The following FMNL2 variants were observed in gnomAD, a reference collection of about 807,000 sequenced individuals.
FMNL2 encodes formin like 2.
A neutral mutation model predicts 130.2 loss-of-function variants in FMNL2; 51 were observed. The ratio of observed to expected loss-of-function variants is 0.39; its 90% confidence interval spans 0.31 to 0.49. The LOEUF (loss-of-function observed/expected upper bound fraction) is 0.49, where lower values mean the gene tolerates loss of function less well. Among genes scored for constraint, FMNL2 ranks in the 20% least tolerant of loss-of-function variants. FMNL2 has a pLI of 0.85. For missense variants in FMNL2, 977 were observed against 1,316.2 expected (o/e 0.74, Z 3.99); for synonymous variants, 465 against 467.1 (o/e 1.00, Z 0.06).
At position 152,618,997 on chromosome 2, in the gene FMNL2, G is replaced by A; in HGVS notation, c.1466G>A (p.Gly489Glu). 1.2e-6 allele frequency: 2 copies of A among 1,614,018 alleles called. No homozygotes were observed. The highest frequency in any genetic ancestry group is 8.5e-7 in the Non-Finnish European group (1 of 1,179,898). ...ATTAAAATTCAGAAGAAAGGGGATG[G>A]GGATATCGCCATACTGCCAGTTGTG... ...GTIKIQKKGD[G>E]DIAILPVVAS... The change falls in exon 14 of 26, where the codon GGG (glycine) becomes GAG (glutamate). Residue 489 changes from glycine to glutamate, a missense_variant. Physicochemically the swap from Gly to Glu is moderately conservative, Grantham distance 98. This residue lies in a region of FMNL2 where 689 missense variants were observed against 995.9 expected (regional missense o/e 0.69). Transcript: ENST00000288670.
chr2:152,536,366 T>C lies in FMNL2; in HGVS notation c.202-6373T>C, dbSNP rs147114407. On this transcript the variant is annotated intron_variant, in intron 2 of 25. Coordinates refer to ENST00000288670, the MANE Select transcript of FMNL2 (RefSeq NM_052905.4). ...GAAGAGTACTTAGCACTAAGCTAAA[T>C]CTTACAAATTAGTACTTACTAATAG... Among the ~76,000 whole-genome samples, 36 of 152,364 alleles carry C rather than the reference T, an allele frequency of 2.4e-4. No individual in the cohort carries two copies. In the East Asian group the frequency reaches 6.4e-3, roughly 27 times the overall value.
intron 1 of FMNL2, among the ~76,000 whole-genome samples, chr2:152,439,115 G>GT (rs1558864449): frequency 1.4e-5 from 2 of 144,546 alleles, no homozygotes; most frequent in African/African-American, 5.0e-5. Flanking sequence ...GTGTGTGTGT[G>GT]GCAATAGCTA....
chr2:152,506,709 A>C (rs1470803728), intron 1 of FMNL2, among the ~76,000 whole-genome samples: 1 of 152,088 alleles, frequency 6.6e-6, no homozygotes, highest in Non-Finnish European at 1.5e-5. Context: ...GTGTCTCAAA[A>C]ATTTTCATGG....
At chr2:152,588,009 C>T (rs924636303) in intron 9 of FMNL2, among the ~76,000 whole-genome samples, 2 of 152,112 alleles carry the variant, frequency 1.3e-5, no homozygotes, top group East Asian at 1.9e-4. Context: ...CAAGGAGGCT[C>T]CTTATAGGAG....
rs149461810 is a variant in FMNL2 at position 152,530,977 on chromosome 2, G to A, written c.201+8951G>A. 1.1e-3 allele frequency among the ~76,000 whole-genome samples: 168 copies of A among 152,314 alleles called. 1 individual carries two copies. Among genetic ancestry groups the A allele is most frequent in the African/African-American group, 3.8e-3 (156 of 41,564 alleles). On this transcript the variant is annotated intron_variant, in intron 2 of 25. Transcript: ENST00000288670. Reference sequence around the variant, plus strand: ...GTAAGAAACAGCTATACATAGGGCAGAGACTGTGTATATCCTCCGTCAACA... The same window carrying A: ...GTAAGAAACAGCTATACATAGGGCAAAGACTGTGTATATCCTCCGTCAACA...
chr2:152,553,737 G>A (rs892139317), intron 4 of FMNL2, among the ~76,000 whole-genome samples: 1 of 151,068 alleles, frequency 6.6e-6, no homozygotes, highest in African/African-American at 2.4e-5. Flanking sequence ...TAAATGTTAT[G>A]TATTAACATA....
intron 2 of FMNL2, among the ~76,000 whole-genome samples, chr2:152,533,781 G>T (rs1257859965): frequency 1.3e-5 from 2 of 151,912 alleles, no homozygotes; most frequent in African/African-American, 4.8e-5. Context: ...TTAATATCTT[G>T]CAGGAATTTT....
chr2:152,521,473 G>A (rs1333994684), intron 1 of FMNL2, among the ~76,000 whole-genome samples: 7 of 151,582 alleles, frequency 4.6e-5, no homozygotes, highest in East Asian at 3.9e-4. Context: ...TAGTTGCATT[G>A]TTGTCTTTTT....
At chr2:152,459,199 G>A (rs1168932211) in intron 1 of FMNL2, among the ~76,000 whole-genome samples, 48 of 152,250 alleles carry the variant, frequency 3.2e-4, no homozygotes, top group Non-Finnish European at 1.5e-5. Flanking sequence ...GAGAACATAT[G>A]GAGAGAACTC....
Position 152,640,794 on chromosome 2 carries a change from CCTT to C in FMNL2, c.3052_3054del (p.Ser1018del), listed in dbSNP as rs758439709. The C allele has an allele frequency of 2.7e-5, 44 of 1,612,924 alleles. No individual in the cohort carries two copies. In the East Asian group the frequency reaches 5.6e-4, roughly 20 times the overall value. On this transcript the variant is annotated inframe_deletion, in exon 25 of 26. Transcript: ENST00000288670. ...CTCTGCCCTTCTTTCTTCTCAGTCTCCTTCTCATAAATCAAAGAGGCAGCAGCA... is the reference window on the plus strand; with the variant it reads ...CTCTGCCCTTCTTTCTTCTCAGTCTCCTCATAAATCAAAGAGGCAGCAGCA...
chr2:152,473,206 A>G (rs1689952646), intron 1 of FMNL2, among the ~76,000 whole-genome samples: 1 of 152,226 alleles, frequency 6.6e-6, no homozygotes, highest in African/African-American at 2.4e-5. Context: ...TTGTATATGT[A>G]TGATACATAT....
At chr2:152,528,585 A>G (rs1038556831) in intron 2 of FMNL2, among the ~76,000 whole-genome samples, 3 of 152,154 alleles carry the variant, frequency 2.0e-5, no homozygotes, top group African/African-American at 7.2e-5. Context: ...TAGGGCCTAC[A>G]TGGATAATCT....
intron 9 of FMNL2, among the ~76,000 whole-genome samples, chr2:152,592,877 T>G (rs1214191051): frequency 2.6e-5 from 4 of 152,204 alleles, no homozygotes; most frequent in Non-Finnish European, 5.9e-5. Flanking sequence ...GTCCTCAATT[T>G]TCCACCGAAA....
intron 1 of FMNL2, among the ~76,000 whole-genome samples, chr2:152,510,477 A>G (rs1692439418): frequency 6.6e-6 from 1 of 152,176 alleles, no homozygotes; most frequent in Non-Finnish European, 1.5e-5. Context: ...TTGTTTTGGG[A>G]ATTCTTCTAT....
intron 1 of FMNL2, among the ~76,000 whole-genome samples, chr2:152,414,155 A>G (rs890325975): frequency 2.6e-5 from 4 of 151,234 alleles, no homozygotes; most frequent in African/African-American, 9.7e-5. Flanking sequence ...TTTTCAGTCC[A>G]TTTTTCCTAT....
chr2:152,435,999 A>G (rs914906804), intron 1 of FMNL2, among the ~76,000 whole-genome samples: 2 of 151,386 alleles, frequency 1.3e-5, no homozygotes, highest in African/African-American at 2.4e-5. Flanking sequence ...GTGCTATAGC[A>G]TGTATACATA....
Position 152,509,737 on chromosome 2 carries a change from CTTTTTTTT to C in FMNL2, c.118-12187_118-12180del, listed in dbSNP as rs138976882. On this transcript the variant is annotated intron_variant, in intron 1 of 25. Transcript: ENST00000288670. Reference sequence around the variant, plus strand: ...GAGAAGGTATATCTGTACTCTGGACCTTTTTTTTTTTTTTTTTTTTTTTTTTGAGAGAG... The same window carrying C: ...GAGAAGGTATATCTGTACTCTGGACCTTTTTTTTTTTTTTTTTTGAGAGAG... 2.9e-4 allele frequency among the ~76,000 whole-genome samples: 17 copies of C among 58,682 alleles called. 1 individual carries two copies. Among genetic ancestry groups the C allele is most frequent in the South Asian group, 1.9e-3 (2 of 1,076 alleles). 38.5% of individuals were successfully genotyped at this position (58,682 alleles called of 152,430 possible).
intron 1 of FMNL2, among the ~76,000 whole-genome samples, chr2:152,411,786 T>C (rs943471685): frequency 6.6e-6 from 1 of 152,216 alleles, no homozygotes; most frequent in Non-Finnish European, 1.5e-5. Flanking sequence ...GTGGCCAGAC[T>C]TCTGGGAGCT....
At chr2:152,641,884 T>C (rs1683110906) in intron 25 of FMNL2, among the ~76,000 whole-genome samples, 1 of 152,160 alleles carries the variant, frequency 6.6e-6, no homozygotes. Context: ...TAGTCATTAG[T>C]TCACATTTCC....
Sources: allele counts gnomAD v4.1 joint callset (sites outside exome capture counted in the v4.1 genomes callset), GRCh38; gene constraint gnomAD v4.1.1; regional missense constraint gnomAD v4.1.1; transcripts MANE v1.5; gene names NCBI Gene and HGNC (gene_info 2026-07-23, HGNC 2026-07-21).